SGCD: variants seen among roughly 807,000 people sequenced by gnomAD.
SGCD encodes sarcoglycan delta, also known as delta-sarcoglycan.
A neutral mutation model predicts 36.6 loss-of-function variants in SGCD; 18 were observed. That is an observed-to-expected ratio of 0.49 (90% CI 0.34 to 0.73). The LOEUF is 0.73. Ranked by LOEUF, SGCD falls within the 30% of genes least tolerant of loss-of-function variation. SGCD has a pLI of 0.01. For synonymous variants in SGCD, 133 were observed against 130.6 expected (o/e 1.02, Z -0.12); for missense variants, 387 against 346.7 (o/e 1.12, Z -0.92).
At chr5:156,206,726 AT>A (rs939847032) in intron 3 of SGCD, among the ~76,000 whole-genome samples, 43 of 150,388 alleles carry the variant, frequency 2.9e-4, no homozygotes, top group African/African-American at 6.1e-4. Context: ...GCAGTGAATA[AT>A]TTTTTTTTTC....
At chr5:155,924,644 T>C (rs1407518307) in intron 1 of SGCD, among the ~76,000 whole-genome samples, 1 of 152,218 alleles carries the variant, frequency 6.6e-6, no homozygotes, top group Non-Finnish European at 1.5e-5. Context: ...GTAGCTATGC[T>C]CTGTGCTAAT....
chr5:156,743,418 C>CTT (rs1363384229), intron 7 of SGCD, among the ~76,000 whole-genome samples: 1 of 152,300 alleles, frequency 6.6e-6, no homozygotes, highest in East Asian at 1.9e-4. Flanking sequence ...AGCCTTGCCT[C>CTT]TTATTAATAC....
chr5:155,859,737 G>A, the SGCD span, among the ~76,000 whole-genome samples: 3 of 152,164 alleles, frequency 2.0e-5, no homozygotes, highest in Non-Finnish European at 4.4e-5. Flanking sequence ...AGTTGGTGGT[G>A]GAAGGCAGGC....
At chr5:156,573,320 C>T (rs1449315875) in intron 4 of SGCD, among the ~76,000 whole-genome samples, 2 of 152,276 alleles carry the variant, frequency 1.3e-5, no homozygotes, top group East Asian at 1.9e-4. Flanking sequence ...CTGAGAATCA[C>T]GTGGACACAA....
chr5:155,914,417 C>G (rs1371130228), intron 1 of SGCD, among the ~76,000 whole-genome samples: 1 of 152,128 alleles, frequency 6.6e-6, no homozygotes, highest in Non-Finnish European at 1.5e-5. Context: ...GCCAAGTGCT[C>G]TAGATGGCGT....
intron 6 of SGCD, among the ~76,000 whole-genome samples, chr5:156,622,639 C>T (rs1189275879): frequency 1.3e-5 from 2 of 151,606 alleles, no homozygotes; most frequent in Admixed American, 6.6e-5. Flanking sequence ...TGGGGAAAAC[C>T]GTATTTTTAT....
At chr5:156,193,739 A>G (rs938023640) in intron 3 of SGCD, among the ~76,000 whole-genome samples, 2 of 152,202 alleles carry the variant, frequency 1.3e-5, no homozygotes, top group African/African-American at 4.8e-5. Context: ...TGATTTGAAC[A>G]ACTAAAAAAT....
At chr5:155,919,824 C>T (rs1040974667) in intron 1 of SGCD, among the ~76,000 whole-genome samples, 1 of 152,090 alleles carries the variant, frequency 6.6e-6, no homozygotes, top group Non-Finnish European at 1.5e-5. Flanking sequence ...AAATATTTGG[C>T]GAGTGCTTAC....
intron 3 of SGCD, among the ~76,000 whole-genome samples, chr5:156,467,535 G>A (rs1226193793): frequency 6.6e-6 from 1 of 152,204 alleles, no homozygotes; most frequent in African/African-American, 2.4e-5. Flanking sequence ...CTTGAGTTGT[G>A]ATATGTGTAT....
At chr5:156,259,827 C>T (rs1205932344) in intron 3 of SGCD, among the ~76,000 whole-genome samples, 1 of 152,060 alleles carries the variant, frequency 6.6e-6, no homozygotes, top group African/African-American at 2.4e-5. Flanking sequence ...CCTGAGCTGA[C>T]AGGCACACTC....
At chr5:155,780,160 T>G in the SGCD span, among the ~76,000 whole-genome samples, 1 of 152,118 alleles carries the variant, frequency 6.6e-6, no homozygotes. Context: ...ATTATCTGTT[T>G]CTCCATCTGA....
At chr5:156,713,548 C>T (rs755047648) in intron 7 of SGCD, among the ~76,000 whole-genome samples, 2 of 152,114 alleles carry the variant, frequency 1.3e-5, no homozygotes, top group Non-Finnish European at 2.9e-5. Context: ...CTGTCAGAAC[C>T]TTATATTGTC....
At chr5:156,039,304 A>C (rs1355466060) in intron 1 of SGCD, among the ~76,000 whole-genome samples, 2 of 151,922 alleles carry the variant, frequency 1.3e-5, no homozygotes, top group Non-Finnish European at 2.9e-5. Flanking sequence ...GACAATATTG[A>C]TTTTCAATTT....
intron 3 of SGCD, among the ~76,000 whole-genome samples, chr5:156,320,064 A>G (rs1182861935): frequency 2.6e-5 from 4 of 150,944 alleles, no homozygotes; most frequent in Non-Finnish European, 5.9e-5. Context: ...GAAATGTATA[A>G]TGATGAATTA....
intron 7 of SGCD, among the ~76,000 whole-genome samples, chr5:156,741,487 A>G (rs1377966695): frequency 6.6e-6 from 1 of 151,098 alleles, no homozygotes; most frequent in African/African-American, 2.5e-5. Flanking sequence ...TGAGCTGAGC[A>G]GAAGTTTTAA....
At chr5:155,870,962 T>C (rs1755643767) in intron 1 of SGCD, among the ~76,000 whole-genome samples, 1 of 152,204 alleles carries the variant, frequency 6.6e-6, no homozygotes, top group African/African-American at 2.4e-5. Flanking sequence ...ATGAAAATCT[T>C]TGCAGGGTCG....
chr5:156,205,032 A>G (rs772138040), intron 3 of SGCD, among the ~76,000 whole-genome samples: 1 of 152,094 alleles, frequency 6.6e-6, no homozygotes, highest in Non-Finnish European at 1.5e-5. Flanking sequence ...AACAATATCA[A>G]TTGCTGTTTT....
At chr5:156,516,557 G>T (rs1350509571) in intron 4 of SGCD, among the ~76,000 whole-genome samples, 1 of 152,162 alleles carries the variant, frequency 6.6e-6, no homozygotes, top group South Asian at 2.1e-4. Context: ...ACAAAGATGA[G>T]GAAGAATCAG....
intron 3 of SGCD, among the ~76,000 whole-genome samples, chr5:156,361,478 A>C (rs370915360): frequency 6.6e-6 from 1 of 152,208 alleles, no homozygotes; most frequent in East Asian, 1.9e-4. Flanking sequence ...TGTGTTGAAA[A>C]GTTGTAATAA....
Sources: allele counts gnomAD v4.1 joint callset (sites outside exome capture counted in the v4.1 genomes callset), GRCh38; gene constraint gnomAD v4.1.1; transcripts MANE v1.5; gene names NCBI Gene and HGNC (gene_info 2026-07-23, HGNC 2026-07-21).